Variants in PEX7 observed in about 807,000 individuals in gnomAD.
PEX7 encodes the protein PTS2 receptor.
In PEX7, 34 loss-of-function variants were observed where a neutral mutation model predicts 47.5. The ratio of observed to expected loss-of-function variants is 0.72; its 90% CI spans 0.54 to 0.95. PEX7 has a LOEUF of 0.95. Ranked by LOEUF, PEX7 falls within the 40% of genes least tolerant of loss-of-function variation. PEX7 has a pLI of 0.00. For synonymous variants in PEX7, 141 were observed against 148.8 expected (o/e 0.95, Z 0.38); for missense variants, 394 against 400.3 (o/e 0.98, Z 0.13).
At chr6:136,848,472 T>G (rs994567638) in intron 5 of PEX7, among the ~76,000 whole-genome samples, 1 of 152,224 alleles carries the variant, frequency 6.6e-6, no homozygotes. Flanking sequence ...AATATTATCA[T>G]ATTGGCTGTG....
At chr6:136,874,202 G>C (rs950725281) in intron 8 of PEX7, among the ~76,000 whole-genome samples, 27 of 152,186 alleles carry the variant, frequency 1.8e-4, no homozygotes, top group African/African-American at 6.3e-4. Flanking sequence ...TTTGGTCTTT[G>C]AATCCTTTGT....
At chr6:136,899,673 C>G (rs546675829) in intron 9 of PEX7, among the ~76,000 whole-genome samples, 34 of 152,300 alleles carry the variant, frequency 2.2e-4, no homozygotes, top group Admixed American at 1.2e-3. Context: ...AGCTCTCAGC[C>G]TATGAGTTTT....
chr6:136,845,184 A>G (rs894781786), intron 3 of PEX7, among the ~76,000 whole-genome samples: 19 of 152,246 alleles, frequency 1.2e-4, no homozygotes, highest in African/African-American at 4.6e-4. Flanking sequence ...GGTTCCTGCA[A>G]GCTTTTTCTA....
chr6:136,845,017 G>A (rs1023098883), intron 3 of PEX7, among the ~76,000 whole-genome samples: 26 of 152,192 alleles, frequency 1.7e-4, no homozygotes, highest in African/African-American at 6.0e-4. Flanking sequence ...AGTGATCTGT[G>A]TATAATCTGT....
intron 3 of PEX7, among the ~76,000 whole-genome samples, chr6:136,840,044 G>T (rs1007081156): frequency 6.6e-6 from 1 of 152,292 alleles, no homozygotes; most frequent in Non-Finnish European, 1.5e-5. Context: ...TAGTGTTAGA[G>T]GCAAATGAAA....
chr6:136,874,144 T>G (rs1187060779), intron 8 of PEX7, among the ~76,000 whole-genome samples: 1 of 152,260 alleles, frequency 6.6e-6, no homozygotes, highest in Non-Finnish European at 1.5e-5. Context: ...TTAAGAAATT[T>G]TCCTTTGTTT....
intron 8 of PEX7, among the ~76,000 whole-genome samples, chr6:136,889,211 C>G (rs1005033778): frequency 6.6e-6 from 1 of 152,086 alleles, no homozygotes; most frequent in African/African-American, 2.4e-5. Flanking sequence ...TACTGTCATA[C>G]TGGAAAGATC....
chr6:136,889,125 A>T (rs1448258641), intron 8 of PEX7, among the ~76,000 whole-genome samples: 1 of 152,172 alleles, frequency 6.6e-6, no homozygotes, highest in Non-Finnish European at 1.5e-5. Context: ...AAGTTTGTTG[A>T]TATGTTCATT....
At chr6:136,824,146 C>T (rs1343131258) in intron 1 of PEX7, among the ~76,000 whole-genome samples, 1 of 152,136 alleles carries the variant, frequency 6.6e-6, no homozygotes, top group East Asian at 1.9e-4. Context: ...TTACATGGCC[C>T]ACCAGTTAGA....
intron 8 of PEX7, among the ~76,000 whole-genome samples, chr6:136,880,901 G>C (rs1454521531): frequency 6.6e-6 from 1 of 152,188 alleles, no homozygotes; most frequent in Non-Finnish European, 1.5e-5. Context: ...GAGGCTCCCA[G>C]CTCTCAAAAG....
At chr6:136,908,117 CCT>C (rs1775874182) in intron 9 of PEX7, among the ~76,000 whole-genome samples, 2 of 152,118 alleles carry the variant, frequency 1.3e-5, no homozygotes, top group Non-Finnish European at 1.5e-5. Flanking sequence ...GCCATACATA[CCT>C]CTGTTTAGAA....
chr6:136,834,575 G>A (rs966012109), intron 3 of PEX7, among the ~76,000 whole-genome samples: 6 of 152,220 alleles, frequency 3.9e-5, no homozygotes, highest in African/African-American at 7.2e-5. Context: ...GTGAAAGAGC[G>A]TGGCATGTCC....
At chr6:136,894,858 G>A (rs1468899783) in intron 8 of PEX7, among the ~76,000 whole-genome samples, 4 of 152,228 alleles carry the variant, frequency 2.6e-5, no homozygotes, top group African/African-American at 9.7e-5. Context: ...GCACCAAGTA[G>A]TATATATGCT....
At chr6:136,912,154 A>G (rs758506239) in intron 9 of PEX7, among the ~76,000 whole-genome samples, 1 of 152,120 alleles carries the variant, frequency 6.6e-6, no homozygotes, top group Non-Finnish European at 1.5e-5. Flanking sequence ...TGTCAGGTGT[A>G]TATTTTATGA....
chr6:136,833,288 G>T (rs1037095519), intron 3 of PEX7, among the ~76,000 whole-genome samples: 2 of 152,120 alleles, frequency 1.3e-5, no homozygotes, highest in Non-Finnish European at 2.9e-5. Context: ...GAAAACTCAC[G>T]ATCACTAGAA....
intron 8 of PEX7, among the ~76,000 whole-genome samples, chr6:136,882,233 A>C (rs1218790381): frequency 7.7e-6 from 1 of 129,068 alleles, no homozygotes; most frequent in Non-Finnish European, 1.5e-5. Context: ...GCTGCAGTGC[A>C]GTTGTGTGAT....
intron 5 of PEX7, among the ~76,000 whole-genome samples, chr6:136,857,190 T>A (rs1774876155): frequency 6.6e-6 from 1 of 152,230 alleles, no homozygotes; most frequent in African/African-American, 2.4e-5. Flanking sequence ...GTACCATGCG[T>A]TTGTAAGCAA....
At position 136,869,795 on chromosome 6, in the gene PEX7, G is replaced by A; in HGVS notation, c.634-95G>A. Reference sequence around the variant, plus strand: ...ATGACTCCTTGGTTCATATTAAATAGTTATCAGAAAGCAGATGTTGTTTCT... The same window carrying A: ...ATGACTCCTTGGTTCATATTAAATAATTATCAGAAAGCAGATGTTGTTTCT... On this transcript the variant is annotated intron_variant, in intron 6 of 9. Coordinates refer to ENST00000318471, the MANE Select transcript of PEX7 (RefSeq NM_000288.4). 3 of 916,926 alleles carry A rather than the reference G, an allele frequency of 3.3e-6. No individual in the cohort carries two copies. In the South Asian group the frequency reaches 3.9e-5, roughly 12 times the overall value. The allele number at this position is 916,926 out of a possible 1,614,324, so 56.8% of individuals were successfully genotyped here. A position where few individuals can be genotyped will look rare whatever the true frequency, so the allele number is the denominator to read the frequency against.
intron 3 of PEX7, 66 bp downstream of exon 3, chr6:136,826,535 G>A: frequency 1.3e-6 from 2 of 1,576,768 alleles, no homozygotes; most frequent in Non-Finnish European, 1.7e-6. Context: ...ATCCATTTGG[G>A]GATGGACACA....
Sources: allele counts gnomAD v4.1 joint callset (sites outside exome capture counted in the v4.1 genomes callset), GRCh38; gene constraint gnomAD v4.1.1; transcripts MANE v1.5; gene names NCBI Gene and HGNC (gene_info 2026-07-23, HGNC 2026-07-21).